PPFIA4: variants seen among roughly 807,000 people sequenced by gnomAD.
The protein encoded by PPFIA4 is liprin-alpha-4.
In PPFIA4, 98 loss-of-function variants were observed where a neutral mutation model predicts 145.7. That is an observed-to-expected ratio of 0.67 (90% CI 0.57 to 0.80). The LOEUF (loss-of-function observed/expected upper bound fraction) is 0.80, where lower values mean the gene tolerates loss of function less well. Ranked by LOEUF, PPFIA4 falls within the 30% of genes least tolerant of loss-of-function variation. PPFIA4 has a pLI of 0.00. For synonymous variants in PPFIA4, 628 were observed against 649.6 expected (o/e 0.97, Z 0.51); for missense variants, 1,457 against 1,632.7 (o/e 0.89, Z 1.85).
At chr1:203,062,576 A>G (rs1661466708) in intron 24 of PPFIA4, among the ~76,000 whole-genome samples, 1 of 151,832 alleles carries the variant, frequency 6.6e-6, no homozygotes, top group Non-Finnish European at 1.5e-5. Context: ...AGAATGAAGC[A>G]GGGAGCAGCA....
chr1:203,071,910 G>A (rs576884604), intron 28 of PPFIA4, 150 bp downstream of exon 28: 2 of 721,202 alleles, frequency 2.8e-6, no homozygotes, highest in Admixed American at 2.2e-5. Flanking sequence ...TCAGGGGGTT[G>A]AGGAGGTGGA....
At position 203,064,018 on chromosome 1, in the gene PPFIA4, GA is replaced by G; in HGVS notation, c.3050+16del. ...AGCTTCCATCGGTGAGCGCGGCTGG[GA>G]CCCAGGGCCACCTCCCTCGTGGGGG... is the stretch of plus-strand genomic sequence containing the variant. On this transcript the variant is annotated intron_variant, in intron 25 of 29. Coordinates refer to ENST00000295706, the MANE Select transcript of PPFIA4 (RefSeq NM_001304331.2). The G allele has an allele frequency of 6.2e-7, 1 of 1,605,184 alleles. No homozygotes were observed. The highest frequency in any genetic ancestry group is 8.5e-7 in the Non-Finnish European group (1 of 1,175,050).
intron 7 of PPFIA4, 71 bp from the exon 8 acceptor site, chr1:203,045,770 G>T: frequency 6.2e-7 from 1 of 1,603,986 alleles, no homozygotes; most frequent in African/African-American, 1.3e-5. Flanking sequence ...CCAGGTGTGG[G>T]TGGGGAGGTG....
At position 203,055,784 on chromosome 1, in the gene PPFIA4, T is replaced by TG; in HGVS notation, c.2070+114dup. 1 of 1,510,838 alleles carries TG rather than the reference T, an allele frequency of 6.6e-7. No individual in the cohort carries two copies. The highest frequency in any genetic ancestry group is 2.4e-4 in the Middle Eastern group (1 of 4,168). The allele number at this position is 1,510,838 out of a possible 1,614,324, so 93.6% of individuals were successfully genotyped here. A position where few individuals can be genotyped will look rare whatever the true frequency, so the allele number is the denominator to read the frequency against. ...AGCTGGGCCTGCCATCTTCTTCCCA[T>TG]GGTGTGTGCAGACCCCGACATGTCA... On this transcript the variant is annotated intron_variant, in intron 16 of 29. Transcript: ENST00000295706. This position sits in a 1 kb window ranked among gnomAD's most constrained non-coding sequence, Gnocchi z 4.8.
chr1:203,057,307 G>T (rs1295961831), intron 19 of PPFIA4, among the ~76,000 whole-genome samples: 1 of 152,200 alleles, frequency 6.6e-6, no homozygotes, highest in Non-Finnish European at 1.5e-5. Flanking sequence ...GAAATCTCTT[G>T]GTTGTTTCTT....
At chr1:203,051,531 AC>A in intron 13 of PPFIA4, 1 of 775,318 alleles carries the variant, frequency 1.3e-6, no homozygotes, top group Non-Finnish European at 1.8e-6. Flanking sequence ...CTTATGCCAG[AC>A]GGAAAACCGC....
In PPFIA4 at chr1:203,045,972, G is replaced by A. The variant is rs1558075101; in HGVS notation, c.990G>A (p.Glu330=). The A allele has an allele frequency of 2.5e-6, 4 of 1,612,702 alleles. No homozygotes were observed. The highest frequency in any genetic ancestry group is 3.4e-6 in the Non-Finnish European group (4 of 1,179,864). Residue 330 remains glutamate, a synonymous_variant, in exon 8 of 30, where the codon GAG becomes GAA. Coordinates refer to ENST00000295706, the MANE Select transcript of PPFIA4 (RefSeq NM_001304331.2). ...TGGAGAATGAGCTGGCCAACAAGGA[G>A]TCCCTGCACCGCCAGGTACCTCCTC... ...DKLENELANK[E]SLHRQCEEKA... is the part of the protein sequence containing the mutation.
intron 1 of PPFIA4, chr1:203,035,497 C>A: frequency 3.2e-6 from 1 of 311,990 alleles, no homozygotes; most frequent in Non-Finnish European, 6.7e-6. Context: ...GTCCAATCCC[C>A]CACCCCCACA....
In PPFIA4 at chr1:203,076,722, C is replaced by G. The variant is rs542477684; in HGVS notation, c.*332C>G. ...CTTCCTCTTCTGGACCCAGCCTGGT[C>G]TGCACTGCAACCTCCACCAGGACCA... is the stretch of plus-strand genomic sequence containing the variant. On this transcript the variant is annotated 3_prime_UTR_variant, in exon 30 of 30. Transcript: ENST00000295706. The G allele has an allele frequency of 1.0e-5, 4 of 387,962 alleles. No individual in the cohort carries two copies. The highest frequency in any genetic ancestry group is 1.9e-5 in the Non-Finnish European group (4 of 210,384). The allele number at this position is 387,962 out of a possible 1,614,324, so 24.0% of individuals were successfully genotyped here. A position where few individuals can be genotyped will look rare whatever the true frequency, so the allele number is the denominator to read the frequency against.
In PPFIA4 at chr1:203,076,450, CCCTCT is replaced by C; in HGVS notation, c.*61_*65del. The C allele has an allele frequency of 4.7e-6, 7 of 1,503,908 alleles. No homozygotes were observed. The Admixed American group carries it at 1.0e-4, about 22-fold the overall frequency. The allele number at this position is 1,503,908 out of a possible 1,614,324, so 93.2% of individuals were successfully genotyped here. ...TTTCACAGGCTCCTCTGGCCCTGACCCCTCTTGCTCGTTCCCCTTCCTTCCGCAGC... is the reference window on the plus strand; with the variant it reads ...TTTCACAGGCTCCTCTGGCCCTGACCTGCTCGTTCCCCTTCCTTCCGCAGC... On this transcript the variant is annotated 3_prime_UTR_variant, in exon 30 of 30. Transcript: ENST00000295706.
In PPFIA4 at chr1:203,044,388, C is replaced by T. The variant is rs752292012; in HGVS notation, c.511C>T (p.Arg171Trp). ...HKALDEKVRE[R>W]LRAALERVTT... ...CCCTTACCTCGAGCAGGTGCGAGAG[C>T]GGCTCCGGGCAGCGCTGGAGCGAGT... The change falls in exon 5 of 30, where the codon CGG becomes TGG. Residue 171 changes from arginine to tryptophan, a missense_variant. Physicochemically the swap from Arg to Trp is moderately radical, Grantham distance 101. Around this residue, in one of 3 missense-constraint regions of PPFIA4, gnomAD observed 463 missense variants for 459.8 expected, o/e 1.01. Transcript: ENST00000295706. The T allele has an allele frequency of 1.0e-5, 16 of 1,551,760 alleles. No individual in the cohort carries two copies. Among genetic ancestry groups the T allele is most frequent in the Middle Eastern group, 1.7e-4 (1 of 6,010 alleles).
chr1:203,051,984 C>A, intron 14 of PPFIA4, 107 bp downstream of exon 14: 1 of 1,260,838 alleles, frequency 7.9e-7, no homozygotes, highest in South Asian at 1.4e-5. Flanking sequence ...TTCCCCTTCC[C>A]TCCCGTGTCA....
chr1:203,038,910 G>A lies in PPFIA4; in HGVS notation c.-99G>A. On this transcript the variant is annotated 5_prime_UTR_variant, in exon 2 of 30. Coordinates refer to ENST00000295706, the MANE Select transcript of PPFIA4 (RefSeq NM_001304331.2). ...CCCACCTGTCCACTCGCCTGGCACT[G>A]CCCACTCTGAGACCCATGCACTGGG... 1 of 654,558 alleles carries A rather than the reference G, an allele frequency of 1.5e-6. No individual in the cohort carries two copies. Among genetic ancestry groups the A allele is most frequent in the Non-Finnish European group, 2.7e-6 (1 of 372,614 alleles). 40.5% of individuals were successfully genotyped at this position (654,558 alleles called of 1,614,324 possible). A position where few individuals can be genotyped will look rare whatever the true frequency, so the allele number is the denominator to read the frequency against.
chr1:203,051,975 T>G, intron 14 of PPFIA4, 98 bp downstream of exon 14: 1 of 1,254,120 alleles, frequency 8.0e-7, no homozygotes, highest in Non-Finnish European at 1.1e-6. Flanking sequence ...GGCAAATCCT[T>G]CCCCTTCCCT....
At chr1:203,054,870 G>A (rs902595697) in intron 15 of PPFIA4, among the ~76,000 whole-genome samples, 1 of 152,194 alleles carries the variant, frequency 6.6e-6, no homozygotes, top group African/African-American at 2.4e-5. Context: ...GAATAAAGGC[G>A]AGTCCTTCTT....
In PPFIA4 at chr1:203,055,251, C is replaced by T. The variant is rs529053469; in HGVS notation, c.1830-181C>T. On this transcript the variant is annotated intron_variant, in intron 15 of 29. Coordinates refer to ENST00000295706, the MANE Select transcript of PPFIA4 (RefSeq NM_001304331.2). This position sits in a 1 kb window ranked among gnomAD's most constrained non-coding sequence, Gnocchi z 4.8. ...TTCCCCAGCAGCTGCTTTTGTTAAACGGAGGGAGTAGGCAAGCTAACAAGA... is the reference window on the plus strand; with the variant it reads ...TTCCCCAGCAGCTGCTTTTGTTAAATGGAGGGAGTAGGCAAGCTAACAAGA... 2.6e-5 allele frequency among the ~76,000 whole-genome samples: 4 copies of T among 152,318 alleles called. No individual in the cohort carries two copies. Among genetic ancestry groups the T allele is most frequent in the South Asian group, 2.1e-4 (1 of 4,830 alleles).
chr1:203,035,661 G>A (rs541339276), intron 1 of PPFIA4: 118 of 456,724 alleles, frequency 2.6e-4, no homozygotes, highest in Non-Finnish European at 4.5e-4. Context: ...CTTAGAAATT[G>A]TGCGGGAGTT....
At chr1:203,065,490 C>T (rs1451291190) in intron 25 of PPFIA4, among the ~76,000 whole-genome samples, 1 of 152,160 alleles carries the variant, frequency 6.6e-6, no homozygotes, top group African/African-American at 2.4e-5. Flanking sequence ...CAGCCTGGCC[C>T]CAGCCAGGAC....
At chr1:203,045,593 A>C (rs779281152) in intron 7 of PPFIA4, 34 bp downstream of exon 7, 1 of 1,527,146 alleles carries the variant, frequency 6.5e-7, no homozygotes, top group South Asian at 1.3e-5. Context: ...CTGTGACCTC[A>C]TTGTGGAGCG....
Sources: gnomAD v4.1 joint callset for allele counts (sites outside exome capture counted in the v4.1 genomes callset) on GRCh38, gnomAD v4.1.1 for gene constraint, gnomAD v4.1.1 regional missense constraint, Gnocchi (gnomAD v3.1) non-coding constraint, MANE v1.5 for transcripts, NCBI Gene and HGNC (gene_info 2026-07-23, HGNC 2026-07-21) for gene names.